SLC27A3: variants seen among roughly 807,000 people sequenced by gnomAD.
SLC27A3 encodes the protein solute carrier family 27 member 3.
SLC27A3 carries 60 observed loss-of-function variants against 60.1 expected under a neutral mutation model. The ratio of observed to expected loss-of-function variants is 1.00; its 90% CI spans 0.81 to 1.24. SLC27A3 has a LOEUF of 1.24. SLC27A3 is among the 50% of genes most tolerant of loss of function. SLC27A3 has a pLI of 0.00. For missense variants in SLC27A3, 1,079 were observed against 929.9 expected (o/e 1.16, Z -2.09); for synonymous variants, 455 against 409.0 (o/e 1.11, Z -1.36).
intron 6 of SLC27A3, 49 bp from the exon 7 acceptor site, chr1:153,778,638 A>G (rs753667691): frequency 1.4e-5 from 22 of 1,610,806 alleles, no homozygotes; most frequent in Non-Finnish European, 1.8e-5. Context: ...ATGGGGGCAG[A>G]AGGCTCTGGG....
rs536824983 is a variant in SLC27A3 at position 153,778,838 on chromosome 1, T to A, written c.1599T>A (p.Asp533Glu). 1.9e-6 allele frequency: 3 copies of A among 1,614,092 alleles called. No individual in the cohort carries two copies. The highest frequency in any genetic ancestry group is 2.7e-5 in the African/African-American group (2 of 74,920). ...ACACTGGGGACCTGCTGGTCTGCGATGACCAAGGTTTTCTCCGCTTCCATG... is the reference window on the plus strand; with the variant it reads ...ACACTGGGGACCTGCTGGTCTGCGAAGACCAAGGTTTTCTCCGCTTCCATG... ...FFNTGDLLVCDDQGFLRFHDR... is the reference protein window; with the variant it reads ...FFNTGDLLVCEDQGFLRFHDR... Residue 533 changes from aspartate to glutamate, a missense_variant, in exon 7 of 10, where the codon GAT (aspartate) becomes GAA (glutamate). Coordinates refer to ENST00000624995, the MANE Select transcript of SLC27A3 (RefSeq NM_024330.4).
In SLC27A3 at chr1:153,776,511, C is replaced by T; in HGVS notation, c.668-7C>T. ...GGCCCCGGCGTTGTGCTTTCCCACC[C>T]TTCTAGAGTTTCTGGAGTCCCTGGA... is the stretch of plus-strand genomic sequence containing the variant. On this transcript the variant is annotated splice_polypyrimidine_tract_variant and splice_region_variant and intron_variant, in intron 1 of 9. Coordinates refer to ENST00000624995, the MANE Select transcript of SLC27A3 (RefSeq NM_024330.4). 6.2e-7 allele frequency: 1 copy of T among 1,612,292 alleles called. No homozygotes were observed.
rs146407808 is a variant in SLC27A3, at chr1:153,778,292, C to T, written c.1293C>T (p.Asn431=). ...AGACATATGGACTGACAGAGGGCAA[C>T]GTGGCCACCATCAACTACACAGGAC... ...VLETYGLTEG[N]VATINYTGQR... Residue 431 remains asparagine, a synonymous_variant, in exon 5 of 10, where the codon AAC becomes AAT. Coordinates refer to ENST00000624995, the MANE Select transcript of SLC27A3 (RefSeq NM_024330.4). 2.9e-4 allele frequency: 467 copies of T among 1,614,048 alleles called. No individual in the cohort carries two copies. Among genetic ancestry groups the T allele is most frequent in the East Asian group, 9.1e-4 (41 of 44,866 alleles).
chr1:153,779,221 C>T lies in SLC27A3; in HGVS notation c.1744+10C>T, dbSNP rs1673398089. On this transcript the variant is annotated intron_variant, in intron 8 of 9. Coordinates refer to ENST00000624995, the MANE Select transcript of SLC27A3 (RefSeq NM_024330.4). ...GGAGTCACTGTGCCAGGTGCCTAGGCATGGAAGGTGGGGGAGGCACCCAGC... is the reference window on the plus strand; with the variant it reads ...GGAGTCACTGTGCCAGGTGCCTAGGTATGGAAGGTGGGGGAGGCACCCAGC... 1.2e-6 allele frequency: 2 copies of T among 1,613,872 alleles called. No individual in the cohort carries two copies. Among genetic ancestry groups the T allele is most frequent in the African/African-American group, 1.3e-5 (1 of 74,906 alleles).
chr1:153,779,547 T>G, intron 9 of SLC27A3, 74 bp downstream of exon 9: 1 of 1,524,178 alleles, frequency 6.6e-7, no homozygotes, highest in Non-Finnish European at 8.9e-7. Context: ...GTGTATCAAC[T>G]TAGGAGTTTG....
In SLC27A3 at chr1:153,776,495, G is replaced by A. The variant is rs376958049; in HGVS notation, c.668-23G>A. ...TTCTAGGTAGAGCCAGGGCCCCGGC[G>A]TTGTGCTTTCCCACCCTTCTAGAGT... On this transcript the variant is annotated intron_variant, in intron 1 of 9. Coordinates refer to ENST00000624995, the MANE Select transcript of SLC27A3 (RefSeq NM_024330.4). 7.5e-6 allele frequency: 12 copies of A among 1,604,366 alleles called. No homozygotes were observed. The South Asian group carries it at 1.2e-4, about 16-fold the overall frequency.
In SLC27A3 at chr1:153,775,476, G is replaced by T. The variant is rs752456707; in HGVS notation, c.-22G>T. 2 of 1,613,148 alleles carry T rather than the reference G, an allele frequency of 1.2e-6. No homozygotes were observed. Among genetic ancestry groups the T allele is most frequent in the Non-Finnish European group, 1.7e-6 (2 of 1,180,032 alleles). On this transcript the variant is annotated 5_prime_UTR_variant, in exon 1 of 10. Coordinates refer to ENST00000624995, the MANE Select transcript of SLC27A3 (RefSeq NM_024330.4). The stretch of plus-strand genomic sequence containing the variant: ...TTGCGAGCGGCTGGAACCAGACGGT[G>T]CCGATAGAGGAAGCGGGCTCCATGG...
chr1:153,779,757 C>A, intron 9 of SLC27A3, 69 bp from the exon 10 acceptor site: 2 of 1,460,668 alleles, frequency 1.4e-6, no homozygotes, highest in Non-Finnish European at 1.9e-6. Context: ...TAACAAAATT[C>A]AGGCAACTCC....
In SLC27A3 at chr1:153,776,165, G is replaced by C; in HGVS notation, c.667+1G>C. On this transcript the variant is annotated splice_donor_variant, in intron 1 of 9. Transcript: ENST00000624995. LOFTEE classifies it high-confidence loss of function. ...GCGCGCGCGCTGGTGCTGGCGCCAG[G>C]TAAGGCTGGAGCTCCGAACTGACTA... 1 of 1,417,462 alleles carries C rather than the reference G, an allele frequency of 7.1e-7. No homozygotes were observed. The highest frequency in any genetic ancestry group is 1.5e-5 in the African/African-American group (1 of 67,244). 87.8% of individuals were successfully genotyped at this position (1,417,462 alleles called of 1,614,324 possible). A position where few individuals can be genotyped will look rare whatever the true frequency, so the allele number is the denominator to read the frequency against.
chr1:153,775,860 C>A lies in SLC27A3; in HGVS notation c.363C>A (p.Asp121Glu). The change falls in exon 1 of 10, where the codon GAC becomes GAA. Residue 121 changes from aspartate to glutamate, a missense_variant. By Grantham distance (45) the Asp-to-Glu change is conservative. Transcript: ENST00000624995. The stretch of plus-strand genomic sequence containing the variant: ...GGGACTGGGGACCCGACGGCGGCGA[C>A]AGCGGCGAGGGGAGCGCTGGAGAAG... Reference protein sequence around the residue: ...LGWDWGPDGGDSGEGSAGEGE... With the variant: ...LGWDWGPDGGESGEGSAGEGE... The A allele has an allele frequency of 6.7e-7, 1 of 1,492,902 alleles. No homozygotes were observed. Among genetic ancestry groups the A allele is most frequent in the Non-Finnish European group, 8.9e-7 (1 of 1,126,514 alleles). The allele number at this position is 1,492,902 out of a possible 1,614,324, so 92.5% of individuals were successfully genotyped here. A position where few individuals can be genotyped will look rare whatever the true frequency, so the allele number is the denominator to read the frequency against.
In SLC27A3 at chr1:153,779,938, G is replaced by T. The variant is rs1280744792; in HGVS notation, c.1988G>T (p.Gly663Val). 1.2e-6 allele frequency: 2 copies of T among 1,614,156 alleles called. No homozygotes were observed. The highest frequency in any genetic ancestry group is 2.7e-5 in the African/African-American group (2 of 75,040). Residue 663 changes from glycine to valine, a missense_variant, in exon 10 of 10, where the codon GGT (glycine) becomes GTT (valine). Physicochemically the swap from Gly to Val is moderately radical, Grantham distance 109. Transcript: ENST00000624995. Reference sequence around the variant, plus strand: ...CTGTACGTTCTGGACCAGGCTGTAGGTGCCTACCTGCCCCTCACAACTGCC... The same window carrying T: ...CTGTACGTTCTGGACCAGGCTGTAGTTGCCTACCTGCCCCTCACAACTGCC... ...DPLYVLDQAV[G>V]AYLPLTTARY...
chr1:153,778,932 G>C (rs1398439234), intron 7 of SLC27A3, 47 bp downstream of exon 7: 1 of 1,585,952 alleles, frequency 6.3e-7, no homozygotes, highest in Non-Finnish European at 8.7e-7. Flanking sequence ...TGATCTCTGT[G>C]ATCCAAAGCT....
In SLC27A3 at chr1:153,778,320, C is replaced by T. The variant is rs772719483; in HGVS notation, c.1321C>T (p.Arg441Trp). Reference protein sequence around the residue: ...NVATINYTGQRGAVGRASWLY... With the variant: ...NVATINYTGQWGAVGRASWLY... Reference sequence around the variant, plus strand: ...GGCCACCATCAACTACACAGGACAGCGGGGCGCTGTGGGGCGTGCTTCCTG... The same window carrying T: ...GGCCACCATCAACTACACAGGACAGTGGGGCGCTGTGGGGCGTGCTTCCTG... Residue 441 changes from arginine (R) to tryptophan (W), a missense_variant, in exon 5 of 10, where the codon CGG (arginine) becomes TGG (tryptophan). Physicochemically the swap from Arg to Trp is moderately radical, Grantham distance 101. Coordinates refer to ENST00000624995, the MANE Select transcript of SLC27A3 (RefSeq NM_024330.4). 47 of 1,613,984 alleles carry T rather than the reference C, an allele frequency of 2.9e-5. No individual in the cohort carries two copies. The highest frequency in any genetic ancestry group is 1.6e-4 in the Middle Eastern group (1 of 6,082).
At chr1:153,777,276 C>CGTA in intron 3 of SLC27A3, 56 bp downstream of exon 3, 1 of 1,592,172 alleles carries the variant, frequency 6.3e-7, no homozygotes, top group East Asian at 2.2e-5. Flanking sequence ...TTATTAAGCA[C>CGTA]GTACTATGGT....
At chr1:153,777,722 A>T in intron 3 of SLC27A3, 39 bp from the exon 4 acceptor site, 1 of 1,591,942 alleles carries the variant, frequency 6.3e-7, no homozygotes, top group Non-Finnish European at 8.5e-7. Context: ...TCTGCTCCTA[A>T]TCTTACCTCC....
At position 153,778,232 on chromosome 1, in the gene SLC27A3, T is replaced by C. The variant is rs1673333322; in HGVS notation, c.1233T>C (p.Arg411=). 3 of 1,613,782 alleles carry C rather than the reference T, an allele frequency of 1.9e-6. No individual in the cohort carries two copies. The highest frequency in any genetic ancestry group is 1.3e-5 in the African/African-American group (1 of 75,028). ...GGCTGCGCCCAGATACCTGGGAGCG[T>C]TTTGTGCGGCGCTTCGGGCCCCTGC... The part of the protein sequence containing the change: ...GSGLRPDTWE[R]FVRRFGPLQV... The change falls in exon 5 of 10, where the codon CGT becomes CGC. Residue 411 remains arginine, a synonymous_variant. Coordinates refer to ENST00000624995, the MANE Select transcript of SLC27A3 (RefSeq NM_024330.4).
intron 3 of SLC27A3, 135 bp downstream of exon 3, chr1:153,777,355 C>G (rs1015230434): frequency 9.3e-7 from 1 of 1,074,116 alleles, no homozygotes; most frequent in Non-Finnish European, 1.4e-6. Context: ...GAGCTCTGTA[C>G]AATAGGGCAA....
intron 3 of SLC27A3, 94 bp downstream of exon 3, chr1:153,777,314 A>G: frequency 6.8e-7 from 1 of 1,467,162 alleles, no homozygotes; most frequent in South Asian, 1.2e-5. Flanking sequence ...GATAATCTAG[A>G]GGACGGATGG....
intron 3 of SLC27A3, 115 bp downstream of exon 3, chr1:153,777,335 T>A: frequency 3.1e-6 from 4 of 1,294,506 alleles, no homozygotes; most frequent in Non-Finnish European, 4.4e-6. Context: ...GGCAGAGCCC[T>A]ACTCACCAGG....
Sources: allele counts gnomAD v4.1 joint callset, GRCh38; gene constraint gnomAD v4.1.1; transcripts MANE v1.5; gene names NCBI Gene and HGNC (gene_info 2026-07-23, HGNC 2026-07-21).